The following GLIS3 variants were observed in gnomAD, a reference collection of about 807,000 sequenced individuals.
GLIS3 encodes GLIS family zinc finger 3.
Under a neutral mutation model 78.6 loss-of-function variants are expected in GLIS3, and 53 were observed. That is an observed-to-expected ratio of 0.67 (90% confidence interval 0.54 to 0.85). The LOEUF (loss-of-function observed/expected upper bound fraction) is 0.85, where lower values mean the gene tolerates loss of function less well. Ranked by LOEUF, GLIS3 falls within the 40% of genes least tolerant of loss-of-function variation. The probability of loss-of-function intolerance (pLI) is 0.00; values close to 1 mark genes in which losing one functional copy is unlikely to be tolerated. For synonymous variants in GLIS3, 684 were observed against 509.9 expected (o/e 1.34, Z -4.60); for missense variants, 1,703 against 1,231.1 (o/e 1.38, Z -5.74).
At chr9:3,852,037 C>G (rs1819467426) in intron 9 of GLIS3, among the ~76,000 whole-genome samples, 1 of 151,980 alleles carries the variant, frequency 6.6e-6, no homozygotes, top group South Asian at 2.1e-4. Context: ...CCCAGCTACT[C>G]AGGAGGCTGA....
chr9:3,901,588 G>A (rs1048246003), intron 6 of GLIS3, among the ~76,000 whole-genome samples: 3 of 152,206 alleles, frequency 2.0e-5, no homozygotes, highest in African/African-American at 7.2e-5. Context: ...ACTGTTTAGA[G>A]AGAAGTATTT....
intron 2 of GLIS3, among the ~76,000 whole-genome samples, chr9:4,323,420 CA>C: frequency 6.6e-6 from 1 of 152,220 alleles, no homozygotes; most frequent in East Asian, 1.9e-4. Flanking sequence ...TTTTTCCACC[CA>C]ATGTTATGTT....
intron 4 of GLIS3, among the ~76,000 whole-genome samples, chr9:3,947,022 A>G (rs1816346809): frequency 6.6e-6 from 1 of 152,108 alleles, no homozygotes; most frequent in Non-Finnish European, 1.5e-5. Context: ...TCACGACGCC[A>G]CGCCTCTGTC....
chr9:4,131,196 T>C (rs1832949563), intron 2 of GLIS3, among the ~76,000 whole-genome samples: 1 of 152,248 alleles, frequency 6.6e-6, no homozygotes, highest in Non-Finnish European at 1.5e-5. Context: ...TTTTTGATTT[T>C]ACAGGCTCAT....
intron 2 of GLIS3, among the ~76,000 whole-genome samples, chr9:4,191,130 G>A (rs185323242): frequency 2.0e-5 from 3 of 149,006 alleles, no homozygotes; most frequent in Non-Finnish European, 3.0e-5. Context: ...ATCAACTAAC[G>A]AGCAAAATAA....
At chr9:4,410,368 A>G in the GLIS3 span, among the ~76,000 whole-genome samples, 4 of 152,226 alleles carry the variant, frequency 2.6e-5, no homozygotes, top group Admixed American at 6.5e-5. Flanking sequence ...GCATAGAGCT[A>G]TGGAGAAAAA....
the GLIS3 span, among the ~76,000 whole-genome samples, chr9:4,366,370 G>C: frequency 2.0e-5 from 3 of 152,092 alleles, no homozygotes; most frequent in Admixed American, 1.3e-4. Context: ...AAGGCAACGA[G>C]TTAAAACGTG....
At chr9:4,140,218 T>G (rs1833706974) in intron 2 of GLIS3, among the ~76,000 whole-genome samples, 1 of 151,946 alleles carries the variant, frequency 6.6e-6, no homozygotes, top group South Asian at 2.1e-4. Flanking sequence ...CAGCTACTTG[T>G]GGGGCTAAGG....
At chr9:4,196,452 C>T (rs186224308) in intron 2 of GLIS3, among the ~76,000 whole-genome samples, 3 of 152,344 alleles carry the variant, frequency 2.0e-5, no homozygotes, top group East Asian at 3.9e-4. Flanking sequence ...ATAAATCTTG[C>T]TGCTCCTCAC....
At chr9:3,978,575 G>C (rs1371574923) in intron 4 of GLIS3, among the ~76,000 whole-genome samples, 1 of 151,624 alleles carries the variant, frequency 6.6e-6, no homozygotes, top group East Asian at 1.9e-4. Context: ...ATCCCCTCTT[G>C]CTGGACATTC....
chr9:4,260,450 C>G (rs550489114), intron 2 of GLIS3, among the ~76,000 whole-genome samples: 14 of 151,950 alleles, frequency 9.2e-5, no homozygotes, highest in African/African-American at 3.1e-4. Context: ...GCCTGTAATC[C>G]CAGCTACTCG....
rs200890980 is a variant in GLIS3, at chr9:4,117,758, G to A, written c.1710+10C>T. ...CAAGAGAGGTCACCCCTTGCGCTTC[G>A]GAAACTCACCGTACACTTGTTGGGC... On this transcript the variant is annotated intron_variant, in intron 4 of 10. Coordinates refer to ENST00000381971, the MANE Select transcript of GLIS3 (RefSeq NM_001042413.2). 43 of 1,614,100 alleles carry A rather than the reference G, an allele frequency of 2.7e-5. No individual in the cohort carries two copies. The highest frequency in any genetic ancestry group is 6.7e-5 in the Admixed American group (4 of 60,018).
intron 4 of GLIS3, among the ~76,000 whole-genome samples, chr9:4,083,252 T>A (rs1432482677): frequency 6.6e-6 from 1 of 152,162 alleles, no homozygotes; most frequent in Non-Finnish European, 1.5e-5. Context: ...TTACTAGAAT[T>A]TGGGCAGCAA....
At chr9:4,480,350 A>C in the GLIS3 span, among the ~76,000 whole-genome samples, 17,098 of 151,974 alleles carry the variant, frequency 0.11, 1,055 homozygotes, top group South Asian at 0.16. Flanking sequence ...GCCTACAGGC[A>C]TGTGCCATCA....
At chr9:4,090,295 C>T (rs1196534030) in intron 4 of GLIS3, among the ~76,000 whole-genome samples, 1 of 152,030 alleles carries the variant, frequency 6.6e-6, no homozygotes, top group Non-Finnish European at 1.5e-5. Flanking sequence ...GGTCCTGGCT[C>T]AATATATATT....
At chr9:4,222,250 C>G (rs1821392922) in intron 2 of GLIS3, among the ~76,000 whole-genome samples, 1 of 152,140 alleles carries the variant, frequency 6.6e-6, no homozygotes. Flanking sequence ...GCAAAGTACA[C>G]CTTCCTCTTT....
intron 2 of GLIS3, among the ~76,000 whole-genome samples, chr9:4,189,882 A>G (rs1456506395): frequency 6.6e-6 from 1 of 151,800 alleles, no homozygotes; most frequent in Non-Finnish European, 1.5e-5. Context: ...TTATGAGCCT[A>G]TGTGTGTCTG....
In GLIS3 at chr9:4,118,619, G is replaced by C; in HGVS notation, c.859C>G (p.Arg287Gly). 6.2e-7 allele frequency: 1 copy of C among 1,614,222 alleles called. No individual in the cohort carries two copies. Among genetic ancestry groups the C allele is most frequent in the East Asian group, 2.2e-5 (1 of 44,876 alleles). ...GAGTGGGACCTGGTGGATGAGTGCC[G>C]AGGACTAGGGTAAGGAGAGTGGCTA... is the stretch of plus-strand genomic sequence containing the variant. ...ESSHSPYPSPRHSSTRSHSAR... is the reference protein window; with the variant it reads ...ESSHSPYPSPGHSSTRSHSAR... The change falls in exon 4 of 11, where the codon CGG (arginine) becomes GGG (glycine). Residue 287 changes from arginine to glycine, a missense_variant. Transcript: ENST00000381971. The surrounding 1 kb of genome is among the most constrained non-coding windows in gnomAD (Gnocchi z 4.7).
chr9:4,419,982 G>T, the GLIS3 span, among the ~76,000 whole-genome samples: 1 of 152,222 alleles, frequency 6.6e-6, no homozygotes, highest in South Asian at 2.1e-4. Flanking sequence ...TATTACCCAG[G>T]TTGAGCACCG....
Sources: allele counts gnomAD v4.1 joint callset (sites outside exome capture counted in the v4.1 genomes callset), GRCh38; gene constraint gnomAD v4.1.1; non-coding constraint Gnocchi (gnomAD v3.1); transcripts MANE v1.5; gene names NCBI Gene and HGNC (gene_info 2026-07-23, HGNC 2026-07-21).